ZZZ3: variants seen among roughly 807,000 people sequenced by gnomAD.
ZZZ3 encodes zinc finger ZZ-type containing 3.
A neutral mutation model predicts 95.2 loss-of-function variants in ZZZ3; 22 were observed. That is an observed-to-expected ratio of 0.23 (90% CI 0.17 to 0.33). ZZZ3 has a LOEUF of 0.33. ZZZ3 is among the 10% of genes least tolerant of loss of function. ZZZ3 has a pLI of 1.00. For missense variants in ZZZ3, 885 were observed against 1,066.5 expected, an observed-to-expected ratio of 0.83 and a Z score of 2.37; for synonymous variants, 335 against 358.9, an observed-to-expected ratio of 0.93 and a Z score of 0.75.
At chr1:77,610,407 A>G (rs1665672808) in intron 5 of ZZZ3, among the ~76,000 whole-genome samples, 1 of 151,992 alleles carries the variant, frequency 6.6e-6, no homozygotes, top group South Asian at 2.1e-4. Flanking sequence ...ACTAATACCA[A>G]TCCTACTCAA....
chr1:77,588,134 T>C (rs554115762), intron 5 of ZZZ3, among the ~76,000 whole-genome samples: 1 of 152,362 alleles, frequency 6.6e-6, no homozygotes, highest in Admixed American at 6.5e-5. Context: ...ACAGGAGGTC[T>C]ATGCCCAATC....
At chr1:77,653,926 C>T (rs534083937) in intron 1 of ZZZ3, among the ~76,000 whole-genome samples, 151 of 152,148 alleles carry the variant, frequency 9.9e-4, no homozygotes, top group African/African-American at 3.3e-3. Flanking sequence ...CGGTGGCTCA[C>T]GCCTGTAATC....
intron 1 of ZZZ3, among the ~76,000 whole-genome samples, chr1:77,668,446 T>G (rs1671443954): frequency 6.6e-6 from 1 of 152,176 alleles, no homozygotes; most frequent in Non-Finnish European, 1.5e-5. Flanking sequence ...AGCCTCTGTT[T>G]CCACATCAAT....
intron 6 of ZZZ3, among the ~76,000 whole-genome samples, chr1:77,582,530 T>TAATATGATAA (rs1418670010): frequency 6.6e-6 from 1 of 152,084 alleles, no homozygotes; most frequent in East Asian, 1.9e-4. Context: ...ACAACATAAC[T>TAATATGATAA]AATATGATAA....
intron 12 of ZZZ3, among the ~76,000 whole-genome samples, chr1:77,569,138 A>C (rs1570387306): frequency 6.6e-6 from 1 of 152,212 alleles, no homozygotes; most frequent in Non-Finnish European, 1.5e-5. Context: ...GGAGTTCAAG[A>C]CCAGCCTAGC....
intron 12 of ZZZ3, among the ~76,000 whole-genome samples, chr1:77,572,864 T>G (rs576286118): frequency 6.6e-6 from 1 of 151,806 alleles, no homozygotes; most frequent in Admixed American, 6.6e-5. Flanking sequence ...CAGGCTGGTC[T>G]TGAACTCCCA....
chr1:77,576,769 CAAAAAAACAA>C (rs1661998384), intron 11 of ZZZ3, among the ~76,000 whole-genome samples: 2 of 28,142 alleles, frequency 7.1e-5, no homozygotes, highest in Non-Finnish European at 3.7e-4. Flanking sequence ...AAAAAAAAAA[CAAAAAAACAA>C]CAAAAAAAAA....
chr1:77,608,698 A>G (rs1665484232), intron 5 of ZZZ3, among the ~76,000 whole-genome samples: 1 of 152,234 alleles, frequency 6.6e-6, no homozygotes, highest in Non-Finnish European at 1.5e-5. Flanking sequence ...TTTTCAAGAC[A>G]TAGCACAAAA....
At chr1:77,578,711 T>C in intron 11 of ZZZ3, 63 bp downstream of exon 11, 1 of 949,144 alleles carries the variant, frequency 1.1e-6, no homozygotes, top group Non-Finnish European at 1.5e-6. Context: ...TGTAGATTTT[T>C]ACATAGCAAT....
chr1:77,623,915 G>A (rs1265531025), intron 5 of ZZZ3, among the ~76,000 whole-genome samples: 1 of 151,692 alleles, frequency 6.6e-6, no homozygotes, highest in Non-Finnish European at 1.5e-5. Flanking sequence ...AGATTCCACT[G>A]AAAAGTAAGA....
chr1:77,648,934 G>C (rs1669548566), intron 1 of ZZZ3, among the ~76,000 whole-genome samples: 1 of 152,028 alleles, frequency 6.6e-6, no homozygotes, highest in South Asian at 2.1e-4. Context: ...AGATTGGGTG[G>C]GGTTCAACAT....
At chr1:77,627,655 C>T (rs1007868145) in intron 5 of ZZZ3, among the ~76,000 whole-genome samples, 8 of 152,140 alleles carry the variant, frequency 5.3e-5, no homozygotes, top group Non-Finnish European at 7.4e-5. Context: ...AACTCTTAAA[C>T]GTGACTTGAA....
intron 5 of ZZZ3, among the ~76,000 whole-genome samples, chr1:77,631,285 C>G (rs866522073): frequency 1.1e-4 from 16 of 152,076 alleles, no homozygotes; most frequent in Middle Eastern, 3.2e-3. Context: ...GTAGACTAAC[C>G]CTTGCTAATA....
At chr1:77,642,253 C>T (rs921389388) in intron 1 of ZZZ3, among the ~76,000 whole-genome samples, 1 of 152,164 alleles carries the variant, frequency 6.6e-6, no homozygotes, top group East Asian at 1.9e-4. Context: ...TAGATCTACA[C>T]ACTTACATTG....
chr1:77,675,683 G>C (rs1298059323), intron 1 of ZZZ3, among the ~76,000 whole-genome samples: 1 of 151,046 alleles, frequency 6.6e-6, no homozygotes, highest in East Asian at 1.9e-4. Flanking sequence ...ATTGTAACCA[G>C]AAAAATCTGT....
intron 5 of ZZZ3, among the ~76,000 whole-genome samples, chr1:77,626,740 A>G (rs1667373273): frequency 6.6e-6 from 1 of 152,162 alleles, no homozygotes; most frequent in Admixed American, 6.5e-5. Context: ...GTGAGTTGAG[A>G]AGGTACACCA....
chr1:77,608,300 T>C (rs1665451777), intron 5 of ZZZ3, among the ~76,000 whole-genome samples: 1 of 152,186 alleles, frequency 6.6e-6, no homozygotes, highest in Non-Finnish European at 1.5e-5. Flanking sequence ...CCAATATGTC[T>C]GGCAGCAGAC....
At chr1:77,571,424 CCATA>C (rs1268785222) in intron 12 of ZZZ3, among the ~76,000 whole-genome samples, 4 of 152,146 alleles carry the variant, frequency 2.6e-5, no homozygotes, top group African/African-American at 9.7e-5. Flanking sequence ...CATAAAATTA[CCATA>C]CAATCTAGCA....
chr1:77,676,685 A>G (rs1672296574), intron 1 of ZZZ3, among the ~76,000 whole-genome samples: 1 of 152,246 alleles, frequency 6.6e-6, no homozygotes, highest in Non-Finnish European at 1.5e-5. Context: ...ACAATAAGAA[A>G]GCCAAGGCAA....
Sources: allele counts gnomAD v4.1 joint callset (sites outside exome capture counted in the v4.1 genomes callset), GRCh38; gene constraint gnomAD v4.1.1; transcripts MANE v1.5; gene names NCBI Gene and HGNC (gene_info 2026-07-23, HGNC 2026-07-21).